HDAC4: variants seen among roughly 807,000 people sequenced by gnomAD.
HDAC4 encodes histone deacetylase 4, also known as histone deacetylase A.
Under a neutral mutation model 135.1 loss-of-function variants are expected in HDAC4, and 16 were observed. The observed-to-expected ratio is 0.12, with a 90% CI of 0.08 to 0.18. The LOEUF is 0.18. Ranked by LOEUF, HDAC4 falls within the 10% of genes least tolerant of loss-of-function variation. The pLI is 1.00. For missense variants in HDAC4, 1,143 were observed against 1,511.8 expected, an observed-to-expected ratio of 0.76 and a Z score of 4.05; for synonymous variants, 685 against 653.4, an observed-to-expected ratio of 1.05 and a Z score of -0.74.
intron 5 of HDAC4, among the ~76,000 whole-genome samples, chr2:239,170,989 T>C (rs1435551961): frequency 6.6e-6 from 1 of 152,062 alleles, no homozygotes; most frequent in Non-Finnish European, 1.5e-5. Flanking sequence ...CAGAATCAGC[T>C]CCAGACCTGA....
chr2:239,215,962 A>T (rs1440920381), intron 3 of HDAC4, among the ~76,000 whole-genome samples: 1 of 152,246 alleles, frequency 6.6e-6, no homozygotes, highest in Non-Finnish European at 1.5e-5. Context: ...AAGTTATGAT[A>T]TATTCATAGA....
At chr2:239,070,555 T>G in intron 22 of HDAC4, among the ~76,000 whole-genome samples, 1 of 152,250 alleles carries the variant, frequency 6.6e-6, no homozygotes, top group South Asian at 2.1e-4. Context: ...CCTTCGATCC[T>G]GAGTTAATCA....
chr2:239,289,237 C>T (rs2051318048), intron 2 of HDAC4, among the ~76,000 whole-genome samples: 1 of 152,180 alleles, frequency 6.6e-6, no homozygotes, highest in Non-Finnish European at 1.5e-5. Flanking sequence ...GTATGAAAGA[C>T]AAAACGTCAA....
At chr2:239,314,630 A>G (rs2053039186) in intron 2 of HDAC4, among the ~76,000 whole-genome samples, 1 of 152,218 alleles carries the variant, frequency 6.6e-6, no homozygotes, top group African/African-American at 2.4e-5. Context: ...AAACTAAATG[A>G]GTGAGTTAAC....
At chr2:239,277,164 G>A (rs1372964473) in intron 2 of HDAC4, among the ~76,000 whole-genome samples, 1 of 152,220 alleles carries the variant, frequency 6.6e-6, no homozygotes, top group Non-Finnish European at 1.5e-5. Flanking sequence ...GTGGGGTCCC[G>A]AGGTTAGCAG....
intron 2 of HDAC4, among the ~76,000 whole-genome samples, chr2:239,320,622 T>C (rs914277802): frequency 3.3e-5 from 5 of 152,214 alleles, no homozygotes; most frequent in African/African-American, 1.2e-4. Context: ...ACAAAATCCA[T>C]GATTCTAGTG....
chr2:239,254,825 C>T (rs1376644822), intron 2 of HDAC4, among the ~76,000 whole-genome samples: 1 of 152,116 alleles, frequency 6.6e-6, no homozygotes, highest in Non-Finnish European at 1.5e-5. Context: ...AAGTGTGAAT[C>T]GACATCTAGA....
At chr2:239,154,291 G>C (rs1030839454) in intron 7 of HDAC4, among the ~76,000 whole-genome samples, 1 of 152,116 alleles carries the variant, frequency 6.6e-6, no homozygotes, top group Non-Finnish European at 1.5e-5. Flanking sequence ...TCTGGAGTCT[G>C]AGTGCCACAG....
chr2:239,061,103 C>T (rs956980678), intron 24 of HDAC4, among the ~76,000 whole-genome samples: 1 of 152,256 alleles, frequency 6.6e-6, no homozygotes, highest in African/African-American at 2.4e-5. Flanking sequence ...GCAGATAAAA[C>T]ATTCACCGTT....
intron 12 of HDAC4, among the ~76,000 whole-genome samples, chr2:239,117,637 G>A (rs2039263767): frequency 6.6e-6 from 1 of 151,246 alleles, no homozygotes; most frequent in Non-Finnish European, 1.5e-5. Flanking sequence ...AGGGCGCACA[G>A]GGAGTTTCTC....
intron 2 of HDAC4, among the ~76,000 whole-genome samples, chr2:239,332,813 A>C (rs1369476725): frequency 1.3e-5 from 2 of 152,010 alleles, no homozygotes; most frequent in African/African-American, 4.8e-5. Context: ...ATAATAAATA[A>C]GCTCCTAGCA....
chr2:239,232,533 T>TCCAAGGGTGGCCCTTCCCCTCACCAAG (rs1559261163), intron 3 of HDAC4, among the ~76,000 whole-genome samples: 1 of 142,326 alleles, frequency 7.0e-6, no homozygotes, highest in African/African-American at 2.6e-5. Flanking sequence ...TCAAGTCTCC[T>TCCAAGGGTGGCCCTTCCCCTCACCAAG]CCAAGGGTGG....
intron 5 of HDAC4, among the ~76,000 whole-genome samples, chr2:239,173,070 G>A (rs1238900604): frequency 6.6e-6 from 1 of 152,118 alleles, no homozygotes. Flanking sequence ...AGTTTCACAA[G>A]ATATTTATGG....
intron 1 of HDAC4, among the ~76,000 whole-genome samples, chr2:239,353,587 A>T (rs1320642258): frequency 6.6e-6 from 1 of 152,158 alleles, no homozygotes; most frequent in Non-Finnish European, 1.5e-5. Context: ...AGGTCATGAC[A>T]ACCAAGAATG....
chr2:239,246,289 A>G (rs2048453957), intron 2 of HDAC4, among the ~76,000 whole-genome samples: 1 of 152,200 alleles, frequency 6.6e-6, no homozygotes, highest in Non-Finnish European at 1.5e-5. Context: ...AAAATGTGGC[A>G]GTGGAAACAC....
intron 2 of HDAC4, chr2:239,305,534 G>A: frequency 6.5e-6 from 1 of 152,888 alleles, no homozygotes; most frequent in African/African-American, 2.4e-5. Flanking sequence ...TCAGGCCTGG[G>A]ATGGAGGGGC....
intron 2 of HDAC4, among the ~76,000 whole-genome samples, chr2:239,269,258 C>T (rs1216092658): frequency 3.3e-5 from 5 of 149,790 alleles, no homozygotes; most frequent in Non-Finnish European, 7.4e-5. Flanking sequence ...CACATTCACA[C>T]ACCCACACAT....
chr2:239,061,955 G>C lies in HDAC4; in HGVS notation c.3003+4767C>G, dbSNP rs139613052. On this transcript the variant is annotated intron_variant, in intron 24 of 26. Transcript: ENST00000543185. ...GGGCATGGTCTCAGACAGGAGAGAC[G>C]GTCCTTTCCTAACCTCCCGGGGGCA... Among the ~76,000 whole-genome samples the C allele has an allele frequency of 1.6e-3, 237 of 152,312 alleles. 1 individual carries two copies. Among genetic ancestry groups the C allele is most frequent in the African/African-American group, 5.4e-3 (225 of 41,556 alleles).
At position 239,216,698 on chromosome 2, in the gene HDAC4, G is replaced by GCTGCA. The variant is rs536153672; in HGVS notation, c.94+19890_94+19894dup. On this transcript the variant is annotated intron_variant, in intron 3 of 26. Coordinates refer to ENST00000543185, the MANE Select transcript of HDAC4 (RefSeq NM_001378414.1). ...AGACCCTCCGCCTTCACTCTGCCCT[G>GCTGCA]CTGCACTCCTTCCTCCTGTGGGCTA... Among the ~76,000 whole-genome samples, 12 of 152,274 alleles carry GCTGCA rather than the reference G, an allele frequency of 7.9e-5. No homozygotes were observed. In the South Asian group the frequency reaches 2.5e-3, roughly 32 times the overall value.
Sources: allele counts gnomAD v4.1 joint callset (sites outside exome capture counted in the v4.1 genomes callset), GRCh38; gene constraint gnomAD v4.1.1; transcripts MANE v1.5; gene names NCBI Gene and HGNC (gene_info 2026-07-23, HGNC 2026-07-21).